GLIS1: variants seen among roughly 807,000 people sequenced by gnomAD.
GLIS1 encodes the protein zinc finger protein GLIS1.
Under a neutral mutation model 63.8 loss-of-function variants are expected in GLIS1, and 24 were observed. The observed-to-expected ratio is 0.38, with a 90% CI of 0.27 to 0.53. The LOEUF is 0.53. GLIS1 is among the 20% of genes least tolerant of loss of function. The probability of loss-of-function intolerance (pLI) is 0.85; values close to 1 mark genes in which losing one functional copy is unlikely to be tolerated. For synonymous variants in GLIS1, 450 were observed against 482.5 expected (o/e 0.93, Z 0.88); for missense variants, 1,036 against 1,074.1 (o/e 0.96, Z 0.50).
At chr1:53,597,975 A>G (rs1218015768) in intron 3 of GLIS1, among the ~76,000 whole-genome samples, 1 of 152,196 alleles carries the variant, frequency 6.6e-6, no homozygotes, top group Non-Finnish European at 1.5e-5. Context: ...GAGATAATAG[A>G]ATGAATTTCA....
chr1:53,535,798 A>G (rs1207572986), intron 4 of GLIS1, among the ~76,000 whole-genome samples: 1 of 151,958 alleles, frequency 6.6e-6, no homozygotes, highest in African/African-American at 2.4e-5. Context: ...ACTTAAGCCC[A>G]TAGCTCTGTG....
chr1:53,650,839 C>T (rs1466068655), intron 2 of GLIS1, among the ~76,000 whole-genome samples: 2 of 152,212 alleles, frequency 1.3e-5, no homozygotes, highest in African/African-American at 4.8e-5. Context: ...TCTCCTCAGG[C>T]TTACACCTAG....
intron 2 of GLIS1, among the ~76,000 whole-genome samples, chr1:53,673,183 T>C (rs978310680): frequency 2.0e-5 from 3 of 152,250 alleles, no homozygotes; most frequent in African/African-American, 7.2e-5. Context: ...AAGTGTTATG[T>C]CTTTAACCTC....
chr1:53,596,543 G>A (rs1157934213), intron 3 of GLIS1, among the ~76,000 whole-genome samples: 1 of 152,224 alleles, frequency 6.6e-6, no homozygotes, highest in East Asian at 1.9e-4. Flanking sequence ...CGAGTGAGAT[G>A]GCCCCGTGAC....
chr1:53,710,509 T>A (rs1456398544), intron 2 of GLIS1, among the ~76,000 whole-genome samples: 2 of 152,276 alleles, frequency 1.3e-5, no homozygotes, highest in African/African-American at 2.4e-5. Context: ...CCAGTCTTGC[T>A]GACTCCAAAT....
intron 2 of GLIS1, among the ~76,000 whole-genome samples, chr1:53,693,261 C>A (rs540075651): frequency 2.0e-5 from 3 of 152,172 alleles, no homozygotes; most frequent in Non-Finnish European, 4.4e-5. Context: ...TTGCCATGGC[C>A]CCATGTCAAG....
intron 2 of GLIS1, among the ~76,000 whole-genome samples, chr1:53,650,843 C>T (rs1379029176): frequency 6.6e-6 from 1 of 152,220 alleles, no homozygotes; most frequent in Admixed American, 6.5e-5. Flanking sequence ...CTCAGGCTTA[C>T]ACCTAGTTTT....
intron 2 of GLIS1, among the ~76,000 whole-genome samples, chr1:53,622,745 C>T (rs1278061427): frequency 6.6e-6 from 1 of 152,146 alleles, no homozygotes; most frequent in Non-Finnish European, 1.5e-5. Context: ...AAAGATTCTC[C>T]CCCGGAGCCT....
intron 2 of GLIS1, among the ~76,000 whole-genome samples, chr1:53,664,018 G>A (rs973519193): frequency 6.6e-6 from 1 of 152,212 alleles, no homozygotes; most frequent in Admixed American, 6.5e-5. Context: ...GATCTGGAAG[G>A]TGGCAGAGAA....
chr1:53,508,024 G>A (rs1233991055), intron 10 of GLIS1, among the ~76,000 whole-genome samples: 2 of 152,228 alleles, frequency 1.3e-5, no homozygotes, highest in Non-Finnish European at 2.9e-5. Context: ...CCACGGGCCT[G>A]TGGGCACAAT....
At chr1:53,629,089 T>A (rs1645625515) in intron 2 of GLIS1, among the ~76,000 whole-genome samples, 1 of 151,980 alleles carries the variant, frequency 6.6e-6, no homozygotes, top group Admixed American at 6.5e-5. Flanking sequence ...ACAGGATGTA[T>A]CCACACACAG....
chr1:53,628,642 G>A (rs1645621304), intron 2 of GLIS1, among the ~76,000 whole-genome samples: 1 of 152,100 alleles, frequency 6.6e-6, no homozygotes, highest in Non-Finnish European at 1.5e-5. Flanking sequence ...AGATCAAGCG[G>A]GATGTGCACC....
At chr1:53,652,953 C>T (rs1484271735) in intron 2 of GLIS1, among the ~76,000 whole-genome samples, 2 of 152,202 alleles carry the variant, frequency 1.3e-5, no homozygotes, top group Non-Finnish European at 2.9e-5. Context: ...CAACTCCTGC[C>T]CAGGGCGGCC....
chr1:53,698,563 CA>C (rs1265730751), intron 2 of GLIS1, among the ~76,000 whole-genome samples: 1 of 152,226 alleles, frequency 6.6e-6, no homozygotes, highest in Non-Finnish European at 1.5e-5. Context: ...ATTTCCCCAT[CA>C]GGGGTGAGAT....
intron 2 of GLIS1, among the ~76,000 whole-genome samples, chr1:53,663,140 G>A (rs1375925594): frequency 6.6e-6 from 1 of 152,168 alleles, no homozygotes; most frequent in Non-Finnish European, 1.5e-5. Context: ...CACCACCCTA[G>A]TCCAGACCCC....
intron 4 of GLIS1, among the ~76,000 whole-genome samples, chr1:53,567,749 T>A (rs1644947506): frequency 6.6e-6 from 1 of 152,204 alleles, no homozygotes; most frequent in Non-Finnish European, 1.5e-5. Flanking sequence ...ACAAGTCAGG[T>A]CATTGCTTCA....
chr1:53,671,899 C>A (rs1352626002), intron 2 of GLIS1, among the ~76,000 whole-genome samples: 1 of 152,060 alleles, frequency 6.6e-6, no homozygotes, highest in Non-Finnish European at 1.5e-5. Flanking sequence ...AAGCTCCTTC[C>A]CCTCCTTCTC....
chr1:53,618,231 CT>C (rs2100589786), intron 2 of GLIS1, among the ~76,000 whole-genome samples: 1 of 152,356 alleles, frequency 6.6e-6, no homozygotes, highest in Admixed American at 6.5e-5. Flanking sequence ...CCTTCTCCCG[CT>C]GTAAGTGATC....
chr1:53,736,059 G>A (rs192718095), intron 2 of GLIS1, among the ~76,000 whole-genome samples: 1 of 152,266 alleles, frequency 6.6e-6, no homozygotes, highest in African/African-American at 2.4e-5. Context: ...CTTCAAATGA[G>A]TGGGATACAT....
Sources: allele counts gnomAD v4.1 joint callset (sites outside exome capture counted in the v4.1 genomes callset), GRCh38; gene constraint gnomAD v4.1.1; transcripts MANE v1.5; gene names NCBI Gene and HGNC (gene_info 2026-07-23, HGNC 2026-07-21).